The following CCDC122 variants were observed in gnomAD, a reference collection of about 807,000 sequenced individuals.
The protein encoded by CCDC122 is coiled-coil domain-containing protein 122.
Under a neutral mutation model 37.0 loss-of-function variants are expected in CCDC122, and 38 were observed. The observed-to-expected ratio is 1.03, with a 90% CI of 0.79 to 1.35. CCDC122 has a LOEUF of 1.35. CCDC122 is among the 40% of genes most tolerant of loss of function. CCDC122 has a pLI of 0.00. For missense variants in CCDC122, 305 were observed against 310.0 expected (o/e 0.98, Z 0.12); for synonymous variants, 83 against 95.6 (o/e 0.87, Z 0.77).
intron 6 of CCDC122, chr13:43,858,126 T>C (rs1377327303): frequency 6.6e-6 from 1 of 152,202 alleles, no homozygotes; most frequent in Non-Finnish European, 1.5e-5. Context: ...ATGCTTTGTA[T>C]TGTGTCAAAT....
chr13:43,833,203 T>G (rs1316283682), downstream of CCDC122, among the ~76,000 whole-genome samples: 1 of 152,196 alleles, frequency 6.6e-6, no homozygotes, highest in Non-Finnish European at 1.5e-5. Context: ...GCACATGTAG[T>G]AAGTAATATT....
At position 43,837,183 on chromosome 13, in the gene CCDC122, T is replaced by C. The variant is rs1594814411; in HGVS notation, c.*97A>G. The C allele has an allele frequency of 8.2e-7, 1 of 1,213,280 alleles. No individual in the cohort carries two copies. The highest frequency in any genetic ancestry group is 2.4e-5 in the East Asian group (1 of 42,492). The allele number at this position is 1,213,280 out of a possible 1,614,324, so 75.2% of individuals were successfully genotyped here. ...TGTCATTAAGACAGGTCTCTAATAG[T>C]GGATGCTTGTTATTAAGAATCCAAA... On this transcript the variant is annotated 3_prime_UTR_variant, in exon 7 of 7. Transcript: ENST00000444614.
At chr13:43,857,835 C>T (rs969381434) in intron 6 of CCDC122, among the ~76,000 whole-genome samples, 2 of 151,948 alleles carry the variant, frequency 1.3e-5, no homozygotes, top group Non-Finnish European at 2.9e-5. Context: ...CCCGGGAGGC[C>T]GAGGCGGCAG....
chr13:43,865,905 C>A (rs1441474186), intron 4 of CCDC122, among the ~76,000 whole-genome samples: 1 of 152,114 alleles, frequency 6.6e-6, no homozygotes, highest in Non-Finnish European at 1.5e-5. Flanking sequence ...TACTTTACAG[C>A]TTCTCTGTGG....
intron 6 of CCDC122, among the ~76,000 whole-genome samples, 187 bp from the exon 7 acceptor site, chr13:43,837,616 G>A (rs1953211652): frequency 6.6e-6 from 1 of 151,428 alleles, no homozygotes. Flanking sequence ...GTTAGATACT[G>A]TGCTGAGAGC....
chr13:43,838,487 A>G (rs921522169), intron 6 of CCDC122, among the ~76,000 whole-genome samples: 6 of 152,176 alleles, frequency 3.9e-5, no homozygotes, highest in African/African-American at 1.4e-4. Flanking sequence ...ATCTTCTTAA[A>G]AAACAGCTTT....
chr13:43,849,054 G>C, intron 6 of CCDC122: 2 of 925,138 alleles, frequency 2.2e-6, no homozygotes, highest in Non-Finnish European at 2.6e-6. Flanking sequence ...AAAATGGTCT[G>C]ACTATATTGG....
chr13:43,858,707 T>C (rs946717675), intron 6 of CCDC122, 74 bp downstream of exon 6: 4 of 1,074,456 alleles, frequency 3.7e-6, no homozygotes, highest in Non-Finnish European at 3.7e-6. Flanking sequence ...GAGTAAACTA[T>C]GGAAATATGA....
At chr13:43,874,774 G>A (rs1434806069) in intron 2 of CCDC122, 68 bp downstream of exon 2, 2 of 152,198 alleles carry the variant, frequency 1.3e-5, no homozygotes, top group African/African-American at 2.4e-5. Flanking sequence ...ATGTTTTTAA[G>A]AGAAGTTAGA....
intron 3 of CCDC122, among the ~76,000 whole-genome samples, chr13:43,825,278 A>G (rs1373751403): frequency 6.6e-6 from 1 of 152,210 alleles, no homozygotes; most frequent in African/African-American, 2.4e-5. Flanking sequence ...GGAGGCCACC[A>G]TTCTAAGTGA....
At chr13:43,850,991 T>C (rs1953708741) in intron 6 of CCDC122, among the ~76,000 whole-genome samples, 1 of 151,840 alleles carries the variant, frequency 6.6e-6, no homozygotes, top group Admixed American at 6.6e-5. Flanking sequence ...GAAAACCAAT[T>C]TGAATTACAG....
At chr13:43,868,617 A>C (rs890684952) in intron 4 of CCDC122, 77 bp downstream of exon 4, 2 of 702,642 alleles carry the variant, frequency 2.8e-6, no homozygotes, top group Admixed American at 3.4e-5. Flanking sequence ...TCCCAATAAT[A>C]AGTATTTTTA....
intron 4 of CCDC122, among the ~76,000 whole-genome samples, chr13:43,861,395 C>A (rs987710505): frequency 6.6e-6 from 1 of 152,060 alleles, no homozygotes; most frequent in Non-Finnish European, 1.5e-5. Flanking sequence ...GATAGACTAA[C>A]GGATGAAAAA....
chr13:43,833,089 T>C (rs1453346934), downstream of CCDC122, among the ~76,000 whole-genome samples: 1 of 152,192 alleles, frequency 6.6e-6, no homozygotes, highest in Non-Finnish European at 1.5e-5. Flanking sequence ...CTGACTTAAC[T>C]GGCTTTAATG....
intron 6 of CCDC122, among the ~76,000 whole-genome samples, chr13:43,850,055 G>T (rs191711865): frequency 1.3e-5 from 2 of 152,064 alleles, no homozygotes; most frequent in South Asian, 4.1e-4. Flanking sequence ...CTATGTCCTC[G>T]CAGTGTCACT....
chr13:43,877,222 G>A (rs960538254), intron 1 of CCDC122, among the ~76,000 whole-genome samples: 2 of 152,136 alleles, frequency 1.3e-5, no homozygotes, highest in African/African-American at 4.8e-5. Flanking sequence ...ATGGTTTATG[G>A]GTACGGTTTA....
intron 3 of CCDC122, among the ~76,000 whole-genome samples, chr13:43,830,154 G>A (rs1953075846): frequency 6.6e-6 from 1 of 152,190 alleles, no homozygotes; most frequent in Admixed American, 6.5e-5. Flanking sequence ...GGGATTACAG[G>A]AGTGAGCCAC....
chr13:43,872,144 G>C (rs1954472402), intron 2 of CCDC122, among the ~76,000 whole-genome samples: 1 of 151,854 alleles, frequency 6.6e-6, no homozygotes, highest in South Asian at 2.1e-4. Flanking sequence ...ATCCCATCTA[G>C]TATTTTGACA....
At chr13:43,837,633 CA>C (rs1320927074) in intron 6 of CCDC122, among the ~76,000 whole-genome samples, 2 of 136,206 alleles carry the variant, frequency 1.5e-5, no homozygotes, top group Non-Finnish European at 3.4e-5. Context: ...GAGCTTTCTG[CA>C]TATAATTAAA....
Sources: allele counts gnomAD v4.1 joint callset (sites outside exome capture counted in the v4.1 genomes callset), GRCh38; gene constraint gnomAD v4.1.1; transcripts MANE v1.5; gene names NCBI Gene and HGNC (gene_info 2026-07-23, HGNC 2026-07-21).